CACNA1D: variants seen among roughly 807,000 people sequenced by gnomAD.
The protein encoded by CACNA1D is calcium voltage-gated channel subunit alpha1 D.
Under a neutral mutation model 257.1 loss-of-function variants are expected in CACNA1D, and 55 were observed. The observed-to-expected ratio is 0.21, with a 90% confidence interval of 0.17 to 0.27. The LOEUF is 0.27. Ranked by LOEUF, CACNA1D falls within the 10% of genes least tolerant of loss-of-function variation. The pLI is 1.00. For missense variants in CACNA1D, 1,876 were observed against 2,784.0 expected, an observed-to-expected ratio of 0.67 and a Z score of 7.34; for synonymous variants, 980 against 1,014.9, an observed-to-expected ratio of 0.97 and a Z score of 0.65.
chr3:53,632,879 A>G (rs1422948595), intron 3 of CACNA1D, among the ~76,000 whole-genome samples: 1 of 152,256 alleles, frequency 6.6e-6, no homozygotes, highest in Non-Finnish European at 1.5e-5. Context: ...AACATCGAGG[A>G]TAAGTGATCA....
At chr3:53,668,484 T>C (rs1349042948) in intron 7 of CACNA1D, among the ~76,000 whole-genome samples, 6 of 152,182 alleles carry the variant, frequency 3.9e-5, no homozygotes, top group Non-Finnish European at 8.8e-5. Context: ...ATAATTGCAC[T>C]CTCCATAAAT....
chr3:53,732,903 G>A lies in CACNA1D; in HGVS notation c.2562G>A (p.Lys854=), dbSNP rs1332817040. 3.7e-6 allele frequency: 6 copies of A among 1,613,846 alleles called. No individual in the cohort carries two copies. Among genetic ancestry groups the A allele is most frequent in the Non-Finnish European group, 5.1e-6 (6 of 1,179,938 alleles). ...GAAGGATCTCGGAGTTGAACATGAA[G>A]GAAAAAATTGCCCCCATCCCTGAAG... The part of the protein sequence containing the change: ...RPRRISELNM[K]EKIAPIPEGS... The change falls in exon 19 of 48, where the codon AAG becomes AAA. Residue 854 remains lysine, a synonymous_variant. Transcript: ENST00000350061.
At chr3:53,606,348 T>C (rs562486315) in intron 3 of CACNA1D, among the ~76,000 whole-genome samples, 17 of 152,372 alleles carry the variant, frequency 1.1e-4, no homozygotes, top group African/African-American at 4.1e-4. Flanking sequence ...TTACGATTAA[T>C]GTGAGCAGCT....
At chr3:53,733,315 T>C (rs1420022858) in intron 19 of CACNA1D, among the ~76,000 whole-genome samples, 1 of 152,248 alleles carries the variant, frequency 6.6e-6, no homozygotes, top group Non-Finnish European at 1.5e-5. Flanking sequence ...TGGTGTTCCA[T>C]GCTTCGGCCA....
intron 2 of CACNA1D, among the ~76,000 whole-genome samples, chr3:53,499,730 A>C (rs891989198): frequency 1.3e-5 from 2 of 152,228 alleles, no homozygotes; most frequent in African/African-American, 4.8e-5. Context: ...ATTGAAAAGG[A>C]AGAATACCTA....
intron 9 of CACNA1D, among the ~76,000 whole-genome samples, chr3:53,707,698 C>G (rs964773365): frequency 6.6e-6 from 1 of 151,960 alleles, no homozygotes; most frequent in African/African-American, 2.4e-5. Flanking sequence ...ACATATGCAG[C>G]TGCTTCTGAG....
chr3:53,692,182 A>G (rs1344667853), intron 8 of CACNA1D, among the ~76,000 whole-genome samples: 1 of 151,792 alleles, frequency 6.6e-6, no homozygotes, highest in Admixed American at 6.6e-5. Context: ...GTATACAAAG[A>G]TAAGACAGAC....
intron 45 of CACNA1D, chr3:53,807,542 GAGAA>G (rs1277150097): frequency 6.6e-6 from 1 of 152,366 alleles, no homozygotes; most frequent in Non-Finnish European, 1.5e-5. Context: ...TGCCAGGGCT[GAGAA>G]AGGAGGCCCT....
In CACNA1D at chr3:53,774,575, T is replaced by C; in HGVS notation, c.4111-12T>C. The C allele has an allele frequency of 6.6e-7, 1 of 1,512,656 alleles. No homozygotes were observed. Among genetic ancestry groups the C allele is most frequent in the Non-Finnish European group, 9.2e-7 (1 of 1,087,390 alleles). The allele number at this position is 1,512,656 out of a possible 1,614,324, so 93.7% of individuals were successfully genotyped here. ...AATCTATTCTCTTTTTCCTGACAAC[T>C]TCTCCACCTAGATGTTTGGGAAAGT... On this transcript the variant is annotated splice_polypyrimidine_tract_variant and intron_variant, in intron 33 of 47. Coordinates refer to ENST00000350061, the MANE Select transcript of CACNA1D (RefSeq NM_001128840.3). This position sits in a 1 kb window ranked among gnomAD's most constrained non-coding sequence, Gnocchi z 4.3.
chr3:53,772,581 G>A (rs1458801422), intron 32 of CACNA1D, among the ~76,000 whole-genome samples: 1 of 152,238 alleles, frequency 6.6e-6, no homozygotes, highest in Non-Finnish European at 1.5e-5. Flanking sequence ...AGGCTACAGG[G>A]TTAATGACCG....
At chr3:53,522,415 A>G (rs1355002628) in intron 3 of CACNA1D, among the ~76,000 whole-genome samples, 2 of 151,610 alleles carry the variant, frequency 1.3e-5, no homozygotes, top group Non-Finnish European at 2.9e-5. Context: ...TGGGCCCTGC[A>G]GGCAGAGACA....
intron 19 of CACNA1D, among the ~76,000 whole-genome samples, chr3:53,734,721 T>G (rs886938096): frequency 1.3e-5 from 2 of 152,144 alleles, no homozygotes. Context: ...TCCTTGCATG[T>G]TAGCAAATGA....
intron 3 of CACNA1D, among the ~76,000 whole-genome samples, chr3:53,640,667 A>AAT (rs2108199766): frequency 6.6e-6 from 1 of 152,330 alleles, no homozygotes; most frequent in Non-Finnish European, 1.5e-5. Context: ...GTTGGTGCTC[A>AAT]ATTGTTTGTT....
intron 3 of CACNA1D, among the ~76,000 whole-genome samples, chr3:53,631,112 A>G (rs929380041): frequency 3.3e-5 from 5 of 152,294 alleles, no homozygotes; most frequent in African/African-American, 1.2e-4. Flanking sequence ...GCAATTTCTT[A>G]AAACAAGGAA....
chr3:53,702,984 T>A (rs1257202387), intron 9 of CACNA1D, among the ~76,000 whole-genome samples, 174 bp downstream of exon 9: 1 of 150,886 alleles, frequency 6.6e-6, no homozygotes, highest in Non-Finnish European at 1.5e-5. Context: ...TGGTGCTGAC[T>A]CTGGATTTCT....
At chr3:53,664,514 A>G (rs1292235368) in intron 5 of CACNA1D, among the ~76,000 whole-genome samples, 3 of 152,186 alleles carry the variant, frequency 2.0e-5, no homozygotes, top group Non-Finnish European at 4.4e-5. Flanking sequence ...GCTGCAATCT[A>G]CTTTTCTTTC....
At chr3:53,709,884 A>G (rs138826538) in intron 9 of CACNA1D, among the ~76,000 whole-genome samples, 26 of 152,318 alleles carry the variant, frequency 1.7e-4, no homozygotes, top group African/African-American at 6.3e-4. Flanking sequence ...GACATCTTAC[A>G]GGTGTGGAGG....
rs114272883 is a variant in CACNA1D at position 53,641,618 on chromosome 3, C to G, written c.484-9161C>G. On this transcript the variant is annotated intron_variant, in intron 3 of 47. Coordinates refer to ENST00000350061, the MANE Select transcript of CACNA1D (RefSeq NM_001128840.3). ...GGAGGCTGCCAAGCATAGAATGTAC[C>G]CTCTGCCAAGGGAGCTCAGAGTCCA... 5.3e-3 allele frequency among the ~76,000 whole-genome samples: 811 copies of G among 152,130 alleles called. 8 individuals carry two copies. Among genetic ancestry groups the G allele is most frequent in the African/African-American group, 0.019 (777 of 41,448 alleles).
intron 40 of CACNA1D, among the ~76,000 whole-genome samples, chr3:53,799,049 G>A (rs2095522471): frequency 6.6e-6 from 1 of 152,236 alleles, no homozygotes; most frequent in South Asian, 2.1e-4. Flanking sequence ...CCCTGAGGTT[G>A]AAGCATTTGC....
Sources: allele counts gnomAD v4.1 joint callset (sites outside exome capture counted in the v4.1 genomes callset), GRCh38; gene constraint gnomAD v4.1.1; non-coding constraint Gnocchi (gnomAD v3.1); transcripts MANE v1.5; gene names NCBI Gene and HGNC (gene_info 2026-07-23, HGNC 2026-07-21).